The following PRKN variants were observed in gnomAD, a reference collection of about 807,000 sequenced individuals.
PRKN encodes the protein parkin RBR E3 ubiquitin protein ligase.
PRKN carries 56 observed loss-of-function variants against 59.5 expected under a neutral mutation model. That is an observed-to-expected ratio of 0.94 (90% CI 0.76 to 1.18). The LOEUF is 1.18. Ranked by LOEUF, PRKN falls within the 50% of genes most tolerant of loss-of-function variation. The pLI, the probability that PRKN is intolerant of heterozygous loss-of-function variation, is 0.00. For missense variants in PRKN, 657 were observed against 596.4 expected (o/e 1.10, Z -1.06); for synonymous variants, 250 against 222.1 (o/e 1.13, Z -1.12).
intron 1 of PRKN, among the ~76,000 whole-genome samples, chr6:162,588,458 G>C (rs1781159045): frequency 6.6e-6 from 1 of 152,130 alleles, no homozygotes; most frequent in South Asian, 2.1e-4. Context: ...CCAGGAAATG[G>C]GAACTTCATA....
chr6:162,683,128 G>T (rs1034048824), intron 1 of PRKN, among the ~76,000 whole-genome samples: 2 of 152,094 alleles, frequency 1.3e-5, no homozygotes, highest in African/African-American at 4.8e-5. Flanking sequence ...TAATAAGAGA[G>T]CCAAGAAATA....
chr6:162,632,892 T>G (rs1343832869), intron 1 of PRKN, among the ~76,000 whole-genome samples: 1 of 152,118 alleles, frequency 6.6e-6, no homozygotes, highest in Non-Finnish European at 1.5e-5. Context: ...AAGTATATTT[T>G]ATAATCATTT....
At chr6:162,605,923 T>C (rs1254190993) in intron 1 of PRKN, among the ~76,000 whole-genome samples, 1 of 152,188 alleles carries the variant, frequency 6.6e-6, no homozygotes, top group African/African-American at 2.4e-5. Flanking sequence ...TATTTTCTCA[T>C]AAAATTTGAC....
intron 1 of PRKN, among the ~76,000 whole-genome samples, chr6:162,685,419 T>C (rs1213152792): frequency 2.0e-5 from 3 of 152,074 alleles, no homozygotes; most frequent in Non-Finnish European, 2.9e-5. Flanking sequence ...AGTAAATATA[T>C]ATATATAACT....
At chr6:162,179,513 C>T (rs1446409842) in intron 4 of PRKN, among the ~76,000 whole-genome samples, 1 of 152,152 alleles carries the variant, frequency 6.6e-6, no homozygotes, top group East Asian at 1.9e-4. Context: ...CTTCAGCCTG[C>T]TGCAGAACCC....
rs1785883147 is a variant in PRKN at position 161,379,661 on chromosome 6, G to T, written c.1167+7133C>A. ...TGCGGGAAGCCCACATCGAAAACCT[G>T]GTCTATGCATAGGGATGTAAGGCCT... is the stretch of plus-strand genomic sequence containing the variant. On this transcript the variant is annotated intron_variant, in intron 10 of 11. Transcript: ENST00000366898. This position sits in a 1 kb window ranked among gnomAD's most constrained non-coding sequence, Gnocchi z 4.9. Among the ~76,000 whole-genome samples, 1 of 152,170 alleles carries T rather than the reference G, an allele frequency of 6.6e-6. No individual in the cohort carries two copies. The highest frequency in any genetic ancestry group is 1.5e-5 in the Non-Finnish European group (1 of 68,032).
At chr6:162,148,060 A>C (rs1206168165) in intron 4 of PRKN, among the ~76,000 whole-genome samples, 1 of 152,208 alleles carries the variant, frequency 6.6e-6, no homozygotes, top group Non-Finnish European at 1.5e-5. Flanking sequence ...AGTCAGCTAC[A>C]TCAGGGCACC....
At chr6:161,664,896 C>T (rs1323655931) in intron 7 of PRKN, among the ~76,000 whole-genome samples, 1 of 151,002 alleles carries the variant, frequency 6.6e-6, no homozygotes, top group Admixed American at 6.6e-5. Flanking sequence ...TCAAGCGATT[C>T]TTCTGCCTCA....
At chr6:162,485,915 T>A (rs1473175004) in intron 1 of PRKN, among the ~76,000 whole-genome samples, 1 of 152,190 alleles carries the variant, frequency 6.6e-6, no homozygotes, top group Non-Finnish European at 1.5e-5. Flanking sequence ...AACCATAATC[T>A]TCTATCGCAT....
intron 1 of PRKN, among the ~76,000 whole-genome samples, chr6:162,514,502 T>C (rs1777762187): frequency 6.6e-6 from 1 of 152,230 alleles, no homozygotes; most frequent in South Asian, 2.1e-4. Context: ...CACATGGTCT[T>C]TCTCTCTGTC....
At chr6:162,303,557 T>G (rs1277200285) in intron 2 of PRKN, among the ~76,000 whole-genome samples, 1 of 152,060 alleles carries the variant, frequency 6.6e-6, no homozygotes, top group Admixed American at 6.5e-5. Context: ...ATACTAGAAA[T>G]GATGAGATGC....
At chr6:161,718,789 C>T (rs1396839915) in intron 7 of PRKN, among the ~76,000 whole-genome samples, 1 of 152,128 alleles carries the variant, frequency 6.6e-6, no homozygotes. Context: ...ATCTTCCTCC[C>T]GTTCAGTGAC....
At chr6:162,107,342 G>A (rs1780231080) in intron 4 of PRKN, among the ~76,000 whole-genome samples, 1 of 152,182 alleles carries the variant, frequency 6.6e-6, no homozygotes, top group South Asian at 2.1e-4. Context: ...GCAGGCGCCT[G>A]TAATCCCAGC....
chr6:161,646,552 G>T (rs13206780), intron 7 of PRKN, among the ~76,000 whole-genome samples: 1 of 149,302 alleles, frequency 6.7e-6, no homozygotes, highest in East Asian at 2.0e-4. Flanking sequence ...TGGCGGAGGA[G>T]GTGGCGTGTC....
chr6:161,658,873 T>A (rs1374423592), intron 7 of PRKN, among the ~76,000 whole-genome samples: 1 of 152,208 alleles, frequency 6.6e-6, no homozygotes, highest in African/African-American at 2.4e-5. Flanking sequence ...ACATTAAAAG[T>A]TCTATGTGTG....
At chr6:161,603,387 T>C (rs551039439) in intron 7 of PRKN, among the ~76,000 whole-genome samples, 1 of 152,368 alleles carries the variant, frequency 6.6e-6, no homozygotes, top group South Asian at 2.1e-4. Context: ...AATAAGGTAA[T>C]TGTTCAAACT....
rs369597969 is a variant in PRKN, at chr6:162,339,408, C to T, written c.172-76643G>A. Among the ~76,000 whole-genome samples the T allele has an allele frequency of 2.0e-3, 294 of 145,140 alleles. 4 individuals are homozygous for T. The East Asian group carries it at 0.036, about 18-fold the overall frequency. On this transcript the variant is annotated intron_variant, in intron 2 of 11. Coordinates refer to ENST00000366898, the MANE Select transcript of PRKN (RefSeq NM_004562.3). ...GAGGTGGGGGGGTCAGCCCCCCGCCCGGCCAGCCGCCCCGTCCGGGAGGTG... is the reference window on the plus strand; with the variant it reads ...GAGGTGGGGGGGTCAGCCCCCCGCCTGGCCAGCCGCCCCGTCCGGGAGGTG...
At chr6:161,942,864 T>C (rs1336707016) in intron 6 of PRKN, among the ~76,000 whole-genome samples, 1 of 151,988 alleles carries the variant, frequency 6.6e-6, no homozygotes, top group Non-Finnish European at 1.5e-5. Context: ...AAAGAGAAAA[T>C]AGCTGGAGTA....
chr6:162,186,264 TG>T (rs1361958071), intron 4 of PRKN, among the ~76,000 whole-genome samples: 1 of 152,110 alleles, frequency 6.6e-6, no homozygotes, highest in East Asian at 1.9e-4. Flanking sequence ...TGATTGCCTA[TG>T]TGAATTTACA....
Sources: gnomAD v4.1 joint callset for allele counts (sites outside exome capture counted in the v4.1 genomes callset) on GRCh38, gnomAD v4.1.1 for gene constraint, Gnocchi (gnomAD v3.1) non-coding constraint, MANE v1.5 for transcripts, NCBI Gene and HGNC (gene_info 2026-07-23, HGNC 2026-07-21) for gene names.